MYCBP2: variants seen among roughly 807,000 people sequenced by gnomAD.
MYCBP2 encodes E3 ubiquitin-protein ligase MYCBP2.
Under a neutral mutation model 525.3 loss-of-function variants are expected in MYCBP2, and 120 were observed. The ratio of observed to expected loss-of-function variants is 0.23; its 90% CI spans 0.20 to 0.27. The LOEUF (loss-of-function observed/expected upper bound fraction) is 0.27. MYCBP2 is among the 10% of genes least tolerant of loss of function. The pLI is 1.00. For synonymous variants in MYCBP2, 1,894 were observed against 1,955.8 expected, an observed-to-expected ratio of 0.97 and a Z score of 0.83; for missense variants, 4,149 against 5,657.1, an observed-to-expected ratio of 0.73 and a Z score of 8.55.
intron 1 of MYCBP2, among the ~76,000 whole-genome samples, chr13:77,304,449 T>C (rs1045662435): frequency 6.6e-6 from 1 of 152,140 alleles, no homozygotes; most frequent in Non-Finnish European, 1.5e-5. Context: ...AAGTAGAAAG[T>C]AGAAGAGTTG....
chr13:77,193,735 T>C (rs2061503909), intron 27 of MYCBP2, among the ~76,000 whole-genome samples: 1 of 152,174 alleles, frequency 6.6e-6, no homozygotes, highest in Non-Finnish European at 1.5e-5. Context: ...TCTAGCAGCA[T>C]GATGTCAGAG....
chr13:77,156,108 C>G lies in MYCBP2; in HGVS notation c.6865G>C (p.Val2289Leu). Residue 2289 changes from valine to leucine, a missense_variant, in exon 46 of 83, where the codon GTT becomes CTT. Physicochemically the swap from Val to Leu is conservative, Grantham distance 32. This residue lies in a region of MYCBP2 where 692 missense variants were observed against 852.7 expected (regional missense o/e 0.81). Coordinates refer to ENST00000544440, the MANE Select transcript of MYCBP2 (RefSeq NM_015057.5). The stretch of plus-strand genomic sequence containing the variant: ...TCCCCATACTGGTCTTTTGTTTGAA[C>G]AGTTATGGTGGTAGGCCAACCACAA... Reference protein sequence around the residue: ...IRCGWPTTITVQTKDQYGDVV... With the variant: ...IRCGWPTTITLQTKDQYGDVV... 6.2e-7 allele frequency: 1 copy of G among 1,613,976 alleles called. No individual in the cohort carries two copies. Among genetic ancestry groups the G allele is most frequent in the Non-Finnish European group, 8.5e-7 (1 of 1,179,916 alleles).
intron 52 of MYCBP2, among the ~76,000 whole-genome samples, chr13:77,137,980 A>G (rs2054017913): frequency 6.6e-6 from 1 of 152,244 alleles, no homozygotes; most frequent in African/African-American, 2.4e-5. Flanking sequence ...TGCTATAATT[A>G]TCTCTTTAAA....
At chr13:77,248,637 A>G (rs1385949521) in intron 15 of MYCBP2, among the ~76,000 whole-genome samples, 1 of 152,234 alleles carries the variant, frequency 6.6e-6, no homozygotes, top group Non-Finnish European at 1.5e-5. Flanking sequence ...GGATGTGGAG[A>G]AACTGGAACA....
At chr13:77,150,557 A>G (rs1351421281) in intron 47 of MYCBP2, among the ~76,000 whole-genome samples, 177 bp downstream of exon 47, 3 of 152,220 alleles carry the variant, frequency 2.0e-5, no homozygotes, top group Non-Finnish European at 2.9e-5. Flanking sequence ...CCAAAAACCA[A>G]TGAAAATCCT....
intron 15 of MYCBP2, among the ~76,000 whole-genome samples, chr13:77,249,952 G>A (rs555731630): frequency 2.8e-4 from 42 of 152,194 alleles, no homozygotes; most frequent in African/African-American, 8.9e-4. Flanking sequence ...GGCCGGGCGC[G>A]GTGGCTCACG....
At chr13:77,271,748 G>A (rs1293458342) in intron 5 of MYCBP2, among the ~76,000 whole-genome samples, 1 of 152,200 alleles carries the variant, frequency 6.6e-6, no homozygotes, top group Non-Finnish European at 1.5e-5. Flanking sequence ...CCAGCCATGT[G>A]GAACTATAAA....
chr13:77,228,691 T>TTG (rs34441629), intron 18 of MYCBP2, among the ~76,000 whole-genome samples: 4,595 of 147,234 alleles, frequency 0.031, 82 homozygotes, highest in African/African-American at 0.049. Flanking sequence ...GATGAATATG[T>TTG]TGTGTGTGTG....
rs1467905661 is a variant in MYCBP2 at position 77,167,564 on chromosome 13, AT to A, written c.6114+863del. On this transcript the variant is annotated intron_variant, in intron 40 of 82. Transcript: ENST00000544440. ...GGACTTAAGAGACATACTAATCACA[AT>A]ATATGGATTTTATATGGATTCTAAC... Among the ~76,000 whole-genome samples the A allele has an allele frequency of 3.9e-5, 6 of 152,218 alleles. No homozygotes were observed. The East Asian group carries it at 1.2e-3, about 29-fold the overall frequency.
chr13:77,281,844 A>G (rs1200736435), intron 3 of MYCBP2, among the ~76,000 whole-genome samples: 1 of 152,200 alleles, frequency 6.6e-6, no homozygotes, highest in African/African-American at 2.4e-5. Context: ...TTAATTCTTT[A>G]CCCTTAAAAA....
intron 77 of MYCBP2, among the ~76,000 whole-genome samples, 188 bp downstream of exon 77, chr13:77,059,335 T>C (rs2038835950): frequency 1.3e-5 from 2 of 151,470 alleles, no homozygotes; most frequent in African/African-American, 4.9e-5. Context: ...ACAAAAAGAG[T>C]GTGGTTTGGG....
chr13:77,138,873 C>A (rs990067110), intron 52 of MYCBP2, among the ~76,000 whole-genome samples: 1 of 152,170 alleles, frequency 6.6e-6, no homozygotes, highest in Non-Finnish European at 1.5e-5. Context: ...TCATTCCACA[C>A]AGCTGTATAA....
At chr13:77,106,677 T>G (rs2047900657) in intron 55 of MYCBP2, among the ~76,000 whole-genome samples, 1 of 152,154 alleles carries the variant, frequency 6.6e-6, no homozygotes, top group Non-Finnish European at 1.5e-5. Flanking sequence ...AATTTTATAG[T>G]CTTAGTAAAA....
intron 62 of MYCBP2, among the ~76,000 whole-genome samples, chr13:77,086,860 A>C (rs1380757418): frequency 6.6e-6 from 1 of 152,092 alleles, no homozygotes; most frequent in South Asian, 2.1e-4. Flanking sequence ...TATCAATTAT[A>C]CTTAGATTAG....
intron 62 of MYCBP2, among the ~76,000 whole-genome samples, chr13:77,086,684 A>G (rs1320115978): frequency 2.0e-5 from 3 of 152,024 alleles, no homozygotes. Flanking sequence ...TATTTAACCA[A>G]TTTGTTTGCT....
chr13:77,217,265 G>A (rs1308527537), intron 21 of MYCBP2, among the ~76,000 whole-genome samples: 1 of 152,092 alleles, frequency 6.6e-6, no homozygotes, highest in African/African-American at 2.4e-5. Context: ...GCACAGTCTC[G>A]CAAAGATTTT....
intron 55 of MYCBP2, among the ~76,000 whole-genome samples, chr13:77,117,962 A>G (rs1020037610): frequency 8.5e-5 from 13 of 152,174 alleles, no homozygotes; most frequent in Admixed American, 6.6e-4. Flanking sequence ...ATTGTCATAC[A>G]TTTCATAGAT....
intron 33 of MYCBP2, 92 bp downstream of exon 33, chr13:77,181,609 A>G: frequency 2.2e-6 from 2 of 891,908 alleles, no homozygotes; most frequent in Non-Finnish European, 1.7e-6. Context: ...TGGTGTGTTT[A>G]TAGTTTTATT....
intron 33 of MYCBP2, among the ~76,000 whole-genome samples, chr13:77,181,090 G>C (rs970644444): frequency 3.9e-5 from 6 of 151,990 alleles, no homozygotes; most frequent in South Asian, 2.1e-4. Flanking sequence ...TACTGTATTT[G>C]TTTTCCTAAG....
Sources: allele counts gnomAD v4.1 joint callset (sites outside exome capture counted in the v4.1 genomes callset), GRCh38; gene constraint gnomAD v4.1.1; regional missense constraint gnomAD v4.1.1; transcripts MANE v1.5; gene names NCBI Gene and HGNC (gene_info 2026-07-23, HGNC 2026-07-21).